SATB1: variants seen among roughly 807,000 people sequenced by gnomAD.
SATB1 encodes the protein DNA-binding protein SATB1.
In SATB1, 11 loss-of-function variants were observed where a neutral mutation model predicts 86.9. The ratio of observed to expected loss-of-function variants is 0.13; its 90% CI spans 0.08 to 0.21. SATB1 has a LOEUF of 0.21. Ranked by LOEUF, SATB1 falls within the 10% of genes least tolerant of loss-of-function variation. The pLI, the probability that SATB1 is intolerant of heterozygous loss-of-function variation, is 1.00. For missense variants in SATB1, 551 were observed against 937.6 expected, an observed-to-expected ratio of 0.59 and a Z score of 5.39; for synonymous variants, 357 against 357.2, an observed-to-expected ratio of 1.00 and a Z score of 0.01.
At chr3:18,401,042 T>A (rs2125128911) in intron 5 of SATB1, among the ~76,000 whole-genome samples, 1 of 152,328 alleles carries the variant, frequency 6.6e-6, no homozygotes, top group African/African-American at 2.4e-5. Context: ...AGCTAACAGC[T>A]GCTCATCCTT....
chr3:18,348,900 G>A lies in SATB1; in HGVS notation c.*270C>T, dbSNP rs546313882. ...AAAACACTGGTTTCATGCTTACGGGGTACACACTTTGGTGCATCCCGTGAA... is the reference window on the plus strand; with the variant it reads ...AAAACACTGGTTTCATGCTTACGGGATACACACTTTGGTGCATCCCGTGAA... On this transcript the variant is annotated 3_prime_UTR_variant, in exon 11 of 11. Transcript: ENST00000338745. The A allele has an allele frequency of 2.1e-6, 1 of 476,154 alleles. No individual in the cohort carries two copies. Among genetic ancestry groups the A allele is most frequent in the South Asian group, 2.8e-5 (1 of 35,938 alleles). 29.5% of individuals were successfully genotyped at this position (476,154 alleles called of 1,614,324 possible).
Position 18,347,663 on chromosome 3 carries a change from TAG to T in SATB1, c.*1505_*1506del, listed in dbSNP as rs1694125521. 6.6e-6 allele frequency: 1 copy of T among 152,214 alleles called. No individual in the cohort carries two copies. Among genetic ancestry groups the T allele is most frequent in the African/African-American group, 2.4e-5 (1 of 41,468 alleles). 9.4% of individuals were successfully genotyped at this position (152,214 alleles called of 1,614,324 possible). ...GAATCCATTCTAACAACATAACTGC[TAG>T]AGACTGGATTTGTTTTTGTCGGAGA... On this transcript the variant is annotated 3_prime_UTR_variant, in exon 11 of 11. Coordinates refer to ENST00000338745, the MANE Select transcript of SATB1 (RefSeq NM_002971.6).
rs1436251897 is a variant in SATB1 at position 18,397,273 on chromosome 3, A to G, written c.657T>C (p.Ile219=). The change falls in exon 6 of 11, where the codon ATT becomes ATC. Residue 219 remains isoleucine, a synonymous_variant. Coordinates refer to ENST00000338745, the MANE Select transcript of SATB1 (RefSeq NM_002971.6). ...CPLSQSMISS[I]VNSTYYANVS... The stretch of plus-strand genomic sequence containing the variant: ...CATTTGCATAGTAAGTACTGTTCAC[A>G]ATGGAAGAAATCATACTCTGCATGA... The G allele has an allele frequency of 6.2e-7, 1 of 1,600,714 alleles. No homozygotes were observed. The highest frequency in any genetic ancestry group is 1.7e-5 in the Admixed American group (1 of 59,984).
At position 18,386,307 on chromosome 3, in the gene SATB1, GT is replaced by G; in HGVS notation, c.1419+91del. 1.1e-6 allele frequency: 1 copy of G among 950,392 alleles called. No individual in the cohort carries two copies. Among genetic ancestry groups the G allele is most frequent in the Non-Finnish European group, 1.6e-6 (1 of 613,542 alleles). 58.9% of individuals were successfully genotyped at this position (950,392 alleles called of 1,614,324 possible). The stretch of plus-strand genomic sequence containing the variant: ...CGAATTTAAAAACATATAAATCTAT[GT>G]ATCTATCTATCTAATTTCTTATTGA... On this transcript the variant is annotated intron_variant, in intron 8 of 10. Transcript: ENST00000338745. This position sits in a 1 kb window ranked among gnomAD's most constrained non-coding sequence, Gnocchi z 4.5.
chr3:18,368,967 C>T (rs1014869213), intron 9 of SATB1, among the ~76,000 whole-genome samples: 1 of 152,034 alleles, frequency 6.6e-6, no homozygotes, highest in Non-Finnish European at 1.5e-5. Flanking sequence ...TAAACAGTTA[C>T]CTACTGTGCC....
chr3:18,444,499 G>A lies in SATB1; in HGVS notation c.-25+1019C>T. The A allele has an allele frequency of 2.4e-6, 2 of 817,452 alleles. No individual in the cohort carries two copies. The highest frequency in any genetic ancestry group is 1.9e-5 in the African/African-American group (1 of 53,970). The allele number at this position is 817,452 out of a possible 1,614,324, so 50.6% of individuals were successfully genotyped here. Reference sequence around the variant, plus strand: ...GAGCCCAGCCGCCCCAATAGGGGACGAGGAGTGGGTGCTACGGAGAAGTTT... The same window carrying A: ...GAGCCCAGCCGCCCCAATAGGGGACAAGGAGTGGGTGCTACGGAGAAGTTT... On this transcript the variant is annotated intron_variant, in intron 1 of 3. Transcript: ENST00000415069. This position sits in a 1 kb window ranked among gnomAD's most constrained non-coding sequence, Gnocchi z 5.1.
At chr3:18,431,113 T>C (rs918212819) in intron 2 of SATB1, among the ~76,000 whole-genome samples, 8 of 152,122 alleles carry the variant, frequency 5.3e-5, no homozygotes, top group Admixed American at 2.0e-4. Flanking sequence ...CCACCAAAAT[T>C]GGTACCTTTA....
chr3:18,380,367 T>G (rs1559416402), intron 8 of SATB1, among the ~76,000 whole-genome samples: 1 of 152,164 alleles, frequency 6.6e-6, no homozygotes, highest in Admixed American at 6.5e-5. Context: ...GTTTAAGAAT[T>G]TATCTTTGAG....
In SATB1 at chr3:18,386,389, G is replaced by T; in HGVS notation, c.1419+10C>A. 7 of 1,607,184 alleles carry T rather than the reference G, an allele frequency of 4.4e-6. No individual in the cohort carries two copies. The highest frequency in any genetic ancestry group is 6.0e-6 in the Non-Finnish European group (7 of 1,175,068). Reference sequence around the variant, plus strand: ...AACAAAGAAGGGCAAGGAGGAAAAGGAGACCGCACCTGGGGAGGACGGCTG... The same window carrying T: ...AACAAAGAAGGGCAAGGAGGAAAAGTAGACCGCACCTGGGGAGGACGGCTG... On this transcript the variant is annotated intron_variant, in intron 8 of 10. Coordinates refer to ENST00000338745, the MANE Select transcript of SATB1 (RefSeq NM_002971.6). The surrounding 1 kb of genome is among the most constrained non-coding windows in gnomAD (Gnocchi z 4.5).
At chr3:18,401,515 A>C (rs1360730598) in intron 5 of SATB1, among the ~76,000 whole-genome samples, 8 of 152,120 alleles carry the variant, frequency 5.3e-5, no homozygotes, top group African/African-American at 1.9e-4. Context: ...AGCACTTTGA[A>C]AAAGACACAA....
At chr3:18,429,875 T>C (rs972703046), upstream of SATB1, among the ~76,000 whole-genome samples, 2 of 152,180 alleles carry the variant, frequency 1.3e-5, no homozygotes, top group Non-Finnish European at 2.9e-5. This position sits in a 1 kb window ranked among gnomAD's most constrained non-coding sequence, Gnocchi z 4.1. Flanking sequence ...CTCACTGCCA[T>C]ATTACTAGGA....
At chr3:18,374,629 A>G (rs1695650367) in intron 9 of SATB1, among the ~76,000 whole-genome samples, 1 of 152,240 alleles carries the variant, frequency 6.6e-6, no homozygotes. Flanking sequence ...CGTTTCTATT[A>G]GAGTTAAAAA....
rs766513472 is a variant in SATB1, at chr3:18,386,648, C to T, written c.1207-37G>A. 3.2e-6 allele frequency: 5 copies of T among 1,560,100 alleles called. No homozygotes were observed. Among genetic ancestry groups the T allele is most frequent in the Non-Finnish European group, 4.4e-6 (5 of 1,131,860 alleles). ...GAAAGGCACAGGGTGAGCCTGCTGCCTTGCTTTGCCTGGCCAGCAGTGATC... is the reference window on the plus strand; with the variant it reads ...GAAAGGCACAGGGTGAGCCTGCTGCTTTGCTTTGCCTGGCCAGCAGTGATC... On this transcript the variant is annotated intron_variant, in intron 7 of 10. Transcript: ENST00000338745. This position sits in a 1 kb window ranked among gnomAD's most constrained non-coding sequence, Gnocchi z 4.5.
chr3:18,379,883 A>G (rs1695957928), intron 8 of SATB1, among the ~76,000 whole-genome samples: 1 of 152,184 alleles, frequency 6.6e-6, no homozygotes. Flanking sequence ...TCCTCTCCAG[A>G]GTTCCCCTTC....
In SATB1 at chr3:18,394,948, G is replaced by C; in HGVS notation, c.752-32C>G. The stretch of plus-strand genomic sequence containing the variant: ...TGGACAAAGAGTAAAATCACATTCA[G>C]CCAACAATGATTGGCATTGATAAAG... On this transcript the variant is annotated intron_variant, in intron 6 of 10. Coordinates refer to ENST00000338745, the MANE Select transcript of SATB1 (RefSeq NM_002971.6). The surrounding 1 kb of genome is among the most constrained non-coding windows in gnomAD (Gnocchi z 5.9). The C allele has an allele frequency of 6.8e-7, 1 of 1,469,606 alleles. No individual in the cohort carries two copies. The allele number at this position is 1,469,606 out of a possible 1,614,324, so 91.0% of individuals were successfully genotyped here. A position where few individuals can be genotyped will look rare whatever the true frequency, so the allele number is the denominator to read the frequency against.
At chr3:18,369,931 C>A (rs533641438) in intron 9 of SATB1, among the ~76,000 whole-genome samples, 5 of 152,302 alleles carry the variant, frequency 3.3e-5, no homozygotes, top group African/African-American at 1.2e-4. Context: ...GCAGGTGTGA[C>A]CTTGTGCGTG....
intron 9 of SATB1, among the ~76,000 whole-genome samples, chr3:18,360,868 T>C (rs898013166): frequency 5.3e-5 from 8 of 152,090 alleles, no homozygotes; most frequent in African/African-American, 1.4e-4. Context: ...TAGTGCAAGA[T>C]AGCATGTGAT....
intron 7 of SATB1, among the ~76,000 whole-genome samples, chr3:18,393,773 G>A (rs997449671): frequency 1.3e-5 from 2 of 152,148 alleles, no homozygotes; most frequent in Non-Finnish European, 1.5e-5. Context: ...CAGTGTGACC[G>A]AGATTTAAGT....
chr3:18,444,462 C>T lies in SATB1; in HGVS notation c.-25+1056G>A, dbSNP rs1174025693. The T allele has an allele frequency of 2.4e-6, 1 of 421,858 alleles. No individual in the cohort carries two copies. The highest frequency in any genetic ancestry group is 6.4e-5 in the Admixed American group (1 of 15,618). 26.1% of individuals were successfully genotyped at this position (421,858 alleles called of 1,614,324 possible). A position where few individuals can be genotyped will look rare whatever the true frequency, so the allele number is the denominator to read the frequency against. On this transcript the variant is annotated intron_variant, in intron 1 of 3. Transcript: ENST00000415069. This position sits in a 1 kb window ranked among gnomAD's most constrained non-coding sequence, Gnocchi z 5.1. The stretch of plus-strand genomic sequence containing the variant: ...CTCGGAAGACCGTTGAAGCCCTGCG[C>T]CCACGAGAGGGGAGCCCAGCCGCCC...
Sources: gnomAD v4.1 joint callset for allele counts (sites outside exome capture counted in the v4.1 genomes callset) on GRCh38, gnomAD v4.1.1 for gene constraint, Gnocchi (gnomAD v3.1) non-coding constraint, MANE v1.5 for transcripts, NCBI Gene and HGNC (gene_info 2026-07-23, HGNC 2026-07-21) for gene names.